Variants in MORC1 observed in about 807,000 individuals in gnomAD.
MORC1 encodes the protein MORC family CW-type zinc finger 1.
MORC1 carries 59 observed loss-of-function variants against 134.9 expected under a neutral mutation model. The ratio of observed to expected loss-of-function variants is 0.44; its 90% CI spans 0.35 to 0.54. MORC1 has a LOEUF of 0.54. Ranked by LOEUF, MORC1 falls within the 20% of genes least tolerant of loss-of-function variation. The pLI is 0.00. For missense variants in MORC1, 947 were observed against 1,134.5 expected, an observed-to-expected ratio of 0.83 and a Z score of 2.37; for synonymous variants, 395 against 391.7, an observed-to-expected ratio of 1.01 and a Z score of -0.10.
At chr3:108,986,848 A>G in intron 22 of MORC1, 32 bp downstream of exon 22, 1 of 1,340,774 alleles carries the variant, frequency 7.5e-7, no homozygotes. Flanking sequence ...TATAGCTAAT[A>G]TATATATATA....
chr3:109,062,418 CCTT>C (rs1950103982), intron 10 of MORC1, among the ~76,000 whole-genome samples: 2 of 151,432 alleles, frequency 1.3e-5, no homozygotes, highest in South Asian at 2.1e-4. Context: ...TGTAGAACAT[CCTT>C]CTTTTTTTTT....
chr3:109,069,766 GA>G lies in MORC1; in HGVS notation c.690-10del, dbSNP rs904158420. 10 of 1,605,768 alleles carry G rather than the reference GA, an allele frequency of 6.2e-6. No individual in the cohort carries two copies. Among genetic ancestry groups the G allele is most frequent in the Non-Finnish European group, 8.5e-6 (10 of 1,174,982 alleles). ...ACCACCTCGCTGGGAAACTGAAATA[GA>G]AAATACAAAATGTCACAATACAGAG... On this transcript the variant is annotated splice_polypyrimidine_tract_variant and intron_variant, in intron 8 of 27. Coordinates refer to ENST00000232603, the MANE Select transcript of MORC1 (RefSeq NM_014429.4).
Position 108,986,512 on chromosome 3 carries a change from C to T in MORC1, c.2257+368G>A, listed in dbSNP as rs568817302. Among the ~76,000 whole-genome samples the T allele has an allele frequency of 2.8e-4, 42 of 152,056 alleles. 1 individual carries two copies. Among genetic ancestry groups the T allele is most frequent in the Non-Finnish European group, 1.0e-4 (7 of 68,010 alleles). On this transcript the variant is annotated intron_variant, in intron 22 of 27. Transcript: ENST00000232603. The stretch of plus-strand genomic sequence containing the variant: ...AGAAAGTTACTAAAAGATGAAAAAA[C>T]GGGGACTGTCATCATCATAATTTTC...
In MORC1 at chr3:109,054,875, C is replaced by T. The variant is rs114679116; in HGVS notation, c.1183G>A (p.Ala395Thr). Residue 395 changes from alanine to threonine, a missense_variant, in exon 14 of 28, where the codon GCA (alanine) becomes ACA (threonine). By Grantham distance (58) the Ala-to-Thr change is moderately conservative (BLOSUM62 0). Around this residue, in one of 3 missense-constraint regions of MORC1, gnomAD observed 722 missense variants for 817.0 expected, o/e 0.88. Transcript: ENST00000232603. ...SQLKLKSLLGAGVVGIVNIPL... is the reference protein window; with the variant it reads ...SQLKLKSLLGTGVVGIVNIPL... ...ATATTAACAATTCCAACCACGCCTG[C>T]GCCAAGTCTGAGAAAATATATGCAT... 65 of 1,594,400 alleles carry T rather than the reference C, an allele frequency of 4.1e-5. No homozygotes were observed. The South Asian group carries it at 4.4e-4, about 11-fold the overall frequency.
At chr3:108,968,535 G>A (rs1947280271) in intron 26 of MORC1, among the ~76,000 whole-genome samples, 1 of 152,158 alleles carries the variant, frequency 6.6e-6, no homozygotes. Flanking sequence ...ATATTCAGAT[G>A]TCTTCCATTG....
At chr3:109,039,693 A>G (rs1289626866) in intron 14 of MORC1, among the ~76,000 whole-genome samples, 1 of 152,146 alleles carries the variant, frequency 6.6e-6, no homozygotes, top group Non-Finnish European at 1.5e-5. Context: ...GCTTGCTGAA[A>G]TTAGGGTGGG....
At position 109,015,523 on chromosome 3, in the gene MORC1, A is replaced by G. The variant is rs891928693; in HGVS notation, c.1705-8432T>C. On this transcript the variant is annotated intron_variant, in intron 17 of 27. Transcript: ENST00000232603. ...CACTTTGTAACTCCAGGGGTAGCTG[A>G]AATTCAGTCACTTTGAGGAACTTAC... 2.0e-5 allele frequency among the ~76,000 whole-genome samples: 3 copies of G among 152,234 alleles called. No homozygotes were observed. The South Asian group carries it at 6.2e-4, about 32-fold the overall frequency.
At position 109,073,662 on chromosome 3, in the gene MORC1, T is replaced by A. The variant is rs143309534; in HGVS notation, c.690-3905A>T. On this transcript the variant is annotated intron_variant, in intron 8 of 27. Transcript: ENST00000232603. The stretch of plus-strand genomic sequence containing the variant: ...AGACTACATTAGGTCCCTTTTGCAA[T>A]ATCTCAGAAGTGCCATATTTTTATT... Among the ~76,000 whole-genome samples the A allele has an allele frequency of 2.3e-3, 343 of 152,320 alleles. 3 individuals are homozygous for A. Among genetic ancestry groups the A allele is most frequent in the Admixed American group, 3.9e-3 (59 of 15,296 alleles).
chr3:108,965,366 G>A (rs146123849), intron 26 of MORC1, among the ~76,000 whole-genome samples: 33 of 152,254 alleles, frequency 2.2e-4, no homozygotes, highest in Middle Eastern at 3.4e-3. Flanking sequence ...AAATGGACCC[G>A]AAGTGACGCT....
intron 8 of MORC1, among the ~76,000 whole-genome samples, chr3:109,089,345 C>T (rs1950674059): frequency 6.6e-6 from 1 of 152,100 alleles, no homozygotes; most frequent in African/African-American, 2.4e-5. Context: ...GAAATAAGAT[C>T]TCTATGTAAG....
chr3:109,036,672 T>A (rs1949388074), intron 14 of MORC1, among the ~76,000 whole-genome samples: 1 of 152,134 alleles, frequency 6.6e-6, no homozygotes, highest in East Asian at 1.9e-4. Context: ...AAATTTTGGC[T>A]CAGGGTGCTA....
intron 8 of MORC1, among the ~76,000 whole-genome samples, chr3:109,070,625 C>T (rs773024767): frequency 1.3e-5 from 2 of 152,020 alleles, no homozygotes; most frequent in Non-Finnish European, 2.9e-5. Flanking sequence ...AAGCAGTAAA[C>T]CCATCATTTT....
At chr3:109,096,895 A>G (rs1311078444) in intron 6 of MORC1, among the ~76,000 whole-genome samples, 9 of 152,198 alleles carry the variant, frequency 5.9e-5, no homozygotes, top group Admixed American at 2.6e-4. Flanking sequence ...CAAAAATATA[A>G]AACTCAGAAA....
At chr3:109,051,278 A>T (rs1653725021) in intron 14 of MORC1, among the ~76,000 whole-genome samples, 1 of 152,198 alleles carries the variant, frequency 6.6e-6, no homozygotes, top group South Asian at 2.1e-4. Context: ...TTCCCTAAAA[A>T]CACATCAGAC....
At chr3:109,053,106 T>C (rs1166925841) in intron 14 of MORC1, among the ~76,000 whole-genome samples, 1 of 101,452 alleles carries the variant, frequency 9.9e-6, no homozygotes, top group Non-Finnish European at 2.2e-5. Context: ...TGTTATAAAG[T>C]AAAAAAAAAA....
intron 21 of MORC1, among the ~76,000 whole-genome samples, chr3:108,996,271 T>TGCGC (rs1553745270): frequency 2.3e-5 from 2 of 87,496 alleles, no homozygotes; most frequent in Admixed American, 1.1e-4. Context: ...CATGTGCGCG[T>TGCGC]GCGTGCGCGC....
chr3:108,981,053 G>A (rs1397290855), intron 23 of MORC1, among the ~76,000 whole-genome samples: 1 of 152,116 alleles, frequency 6.6e-6, no homozygotes, highest in African/African-American at 2.4e-5. Context: ...CTCACGGTAA[G>A]GATGTATAGT....
At chr3:109,053,240 T>A (rs1172188404) in intron 14 of MORC1, among the ~76,000 whole-genome samples, 2 of 152,084 alleles carry the variant, frequency 1.3e-5, no homozygotes, top group Non-Finnish European at 2.9e-5. Context: ...AGATTTCAAC[T>A]ACCATTCAAC....
chr3:109,061,277 T>A (rs1002755693), intron 11 of MORC1, among the ~76,000 whole-genome samples: 7 of 152,212 alleles, frequency 4.6e-5, no homozygotes, highest in African/African-American at 1.7e-4. Flanking sequence ...TGTTGCTTAA[T>A]CATTCACCAT....
Sources: gnomAD v4.1 joint callset for allele counts (sites outside exome capture counted in the v4.1 genomes callset) on GRCh38, gnomAD v4.1.1 for gene constraint, gnomAD v4.1.1 regional missense constraint, MANE v1.5 for transcripts, NCBI Gene and HGNC (gene_info 2026-07-23, HGNC 2026-07-21) for gene names.